The following APLF variants were observed in gnomAD, a reference collection of about 807,000 sequenced individuals.
APLF encodes aprataxin and PNK-like factor.
In APLF, 61 loss-of-function variants were observed where a neutral mutation model predicts 55.6. The ratio of observed to expected loss-of-function variants is 1.10; its 90% CI spans 0.89 to 1.36. APLF has a LOEUF of 1.36. Ranked by LOEUF, APLF falls within the 40% of genes most tolerant of loss-of-function variation. APLF has a pLI of 0.00. For synonymous variants in APLF, 207 were observed against 214.8 expected (o/e 0.96, Z 0.32); for missense variants, 611 against 602.5 (o/e 1.01, Z -0.15).
chr2:68,518,320 TATATA>T (rs1241302186), intron 5 of APLF, among the ~76,000 whole-genome samples: 2 of 112,788 alleles, frequency 1.8e-5, no homozygotes, highest in Non-Finnish European at 3.3e-5. Flanking sequence ...TATTTAATAA[TATATA>T]ATATATTAAT....
intron 8 of APLF, among the ~76,000 whole-genome samples, chr2:68,562,565 T>A (rs1437150441): frequency 6.6e-6 from 1 of 152,052 alleles, no homozygotes; most frequent in Non-Finnish European, 1.5e-5. Context: ...AGGTACCAAG[T>A]GGTAAATATA....
intron 5 of APLF, among the ~76,000 whole-genome samples, chr2:68,522,602 G>C (rs922036353): frequency 6.6e-6 from 1 of 151,850 alleles, no homozygotes; most frequent in African/African-American, 2.4e-5. Context: ...GAACTCTCCT[G>C]ATCTGGGCCT....
At chr2:68,517,000 G>GTTAATATATAATATATAATAATATA (rs1219969004) in intron 5 of APLF, among the ~76,000 whole-genome samples, 11 of 118,852 alleles carry the variant, frequency 9.3e-5, no homozygotes, top group Admixed American at 2.1e-4. Context: ...AATAATATAT[G>GTTAATATATAATATATAATAATATA]TTAATATATA....
At chr2:68,477,155 A>G (rs930290753) in intron 1 of APLF, among the ~76,000 whole-genome samples, 2 of 149,958 alleles carry the variant, frequency 1.3e-5, no homozygotes, top group African/African-American at 2.5e-5. Context: ...GTTGAGAGAT[A>G]TGTAGACAAA....
chr2:68,488,959 A>T (rs1676271960), intron 1 of APLF, among the ~76,000 whole-genome samples: 1 of 152,064 alleles, frequency 6.6e-6, no homozygotes, highest in Non-Finnish European at 1.5e-5. Flanking sequence ...GTACCCTAAA[A>T]CTTAAAGTAT....
At chr2:68,477,969 G>A (rs1383906963) in intron 1 of APLF, among the ~76,000 whole-genome samples, 1 of 151,820 alleles carries the variant, frequency 6.6e-6, no homozygotes, top group Non-Finnish European at 1.5e-5. Flanking sequence ...TGAGATTTGG[G>A]TGGGGACACA....
chr2:68,565,089 A>G (rs771245676), intron 8 of APLF, among the ~76,000 whole-genome samples: 3 of 152,108 alleles, frequency 2.0e-5, no homozygotes, highest in Non-Finnish European at 4.4e-5. Flanking sequence ...CCTCATGACA[A>G]AAAGTTCTGT....
At chr2:68,569,459 G>A (rs1030900638) in intron 9 of APLF, among the ~76,000 whole-genome samples, 4 of 152,174 alleles carry the variant, frequency 2.6e-5, no homozygotes, top group Admixed American at 1.3e-4. Context: ...AGGTAGAAGT[G>A]TTGTAGTTGG....
intron 7 of APLF, among the ~76,000 whole-genome samples, chr2:68,542,665 T>C (rs1670589551): frequency 6.6e-6 from 1 of 152,148 alleles, no homozygotes; most frequent in Non-Finnish European, 1.5e-5. Flanking sequence ...TAACAATTGT[T>C]GATGGGGATG....
intron 8 of APLF, among the ~76,000 whole-genome samples, chr2:68,545,717 A>G (rs1008751334): frequency 6.6e-6 from 1 of 152,172 alleles, no homozygotes; most frequent in Non-Finnish European, 1.5e-5. Flanking sequence ...AGAAAGTCCA[A>G]TCCTAAAGGA....
At chr2:68,512,826 A>G (rs1459587586) in intron 3 of APLF, among the ~76,000 whole-genome samples, 1 of 151,810 alleles carries the variant, frequency 6.6e-6, no homozygotes, top group East Asian at 1.9e-4. Flanking sequence ...AAGCCTTGAC[A>G]GAAATGGCTG....
intron 3 of APLF, among the ~76,000 whole-genome samples, chr2:68,509,888 A>G (rs1381083693): frequency 2.0e-5 from 3 of 152,022 alleles, no homozygotes; most frequent in Non-Finnish European, 2.9e-5. Flanking sequence ...CTATGCAGCC[A>G]TAAAAAAGGA....
At chr2:68,565,859 A>T (rs1006422546) in intron 8 of APLF, among the ~76,000 whole-genome samples, 1 of 152,084 alleles carries the variant, frequency 6.6e-6, no homozygotes, top group African/African-American at 2.4e-5. Flanking sequence ...ATTATTTCAG[A>T]GATATTTTAA....
intron 8 of APLF, among the ~76,000 whole-genome samples, chr2:68,550,842 A>G (rs1184724163): frequency 1.3e-5 from 2 of 152,136 alleles, no homozygotes; most frequent in African/African-American, 2.4e-5. Context: ...TTGTTATTAT[A>G]TAGTTATACC....
rs139981982 is a variant in APLF, at chr2:68,551,944, T to C, written c.1286+6632T>C. Among the ~76,000 whole-genome samples, 591 of 152,226 alleles carry C rather than the reference T, an allele frequency of 3.9e-3. 3 individuals are homozygous for C. Among genetic ancestry groups the C allele is most frequent in the African/African-American group, 0.014 (576 of 41,538 alleles). On this transcript the variant is annotated intron_variant, in intron 8 of 9. Coordinates refer to ENST00000303795, the MANE Select transcript of APLF (RefSeq NM_173545.3). ...ATCTCTGTCCAGTCAGAAATTTAGA[T>C]AGATAGTAGCTAGTTTGGAGTTTTA...
chr2:68,500,819 A>C (rs1476381462), intron 2 of APLF, among the ~76,000 whole-genome samples: 1 of 152,184 alleles, frequency 6.6e-6, no homozygotes, highest in Non-Finnish European at 1.5e-5. Context: ...CACGATTCCC[A>C]AGTTCAGCAG....
At chr2:68,538,343 G>A (rs546204784) in intron 7 of APLF, 116 bp downstream of exon 7, 5 of 864,426 alleles carry the variant, frequency 5.8e-6, no homozygotes, top group Middle Eastern at 2.4e-4. Context: ...AAGGTTAGGG[G>A]CTTTATCGTG....
intron 6 of APLF, chr2:68,535,479 G>C: frequency 5.0e-6 from 1 of 198,716 alleles, no homozygotes; most frequent in Non-Finnish European, 1.1e-5. Flanking sequence ...ATGGTACCAA[G>C]TATGGATATT....
chr2:68,526,374 T>A, intron 6 of APLF, 132 bp downstream of exon 6: 2 of 1,430,132 alleles, frequency 1.4e-6, no homozygotes, highest in Non-Finnish European at 1.9e-6. Flanking sequence ...ACTAGCCCAA[T>A]TTTTTCAGAC....
Sources: gnomAD v4.1 joint callset for allele counts (sites outside exome capture counted in the v4.1 genomes callset) on GRCh38, gnomAD v4.1.1 for gene constraint, MANE v1.5 for transcripts, NCBI Gene and HGNC (gene_info 2026-07-23, HGNC 2026-07-21) for gene names.